Variants in DLG2 observed in about 807,000 individuals in gnomAD.
DLG2 encodes discs large MAGUK scaffold protein 2.
In DLG2, 45 loss-of-function variants were observed where a neutral mutation model predicts 132.5. The observed-to-expected ratio is 0.34, with a 90% CI of 0.27 to 0.44. The LOEUF is 0.44. DLG2 is among the 20% of genes least tolerant of loss of function. The pLI is 1.00. For synonymous variants in DLG2, 424 were observed against 419.6 expected (o/e 1.01, Z -0.13); for missense variants, 1,045 against 1,196.9 (o/e 0.87, Z 1.87).
chr11:84,549,071 G>A lies in DLG2; in HGVS notation c.358-14340C>T, dbSNP rs146181782. 5.8e-3 allele frequency among the ~76,000 whole-genome samples: 888 copies of A among 152,306 alleles called. 15 individuals carry two copies. The highest frequency in any genetic ancestry group is 0.034 in the Middle Eastern group (10 of 294). ...GATAAGGAAAAATTCTCTAGTCCTG[G>A]AAAGGGTTTATCCATGTTCAGTTGA... is the stretch of plus-strand genomic sequence containing the variant. On this transcript the variant is annotated intron_variant, in intron 6 of 27. Transcript: ENST00000376104.
chr11:83,928,827 C>T (rs1234086431), intron 15 of DLG2, among the ~76,000 whole-genome samples: 1 of 152,092 alleles, frequency 6.6e-6, no homozygotes, highest in African/African-American at 2.4e-5. Context: ...AAATGCCTGG[C>T]ACAGAAGAGC....
At chr11:85,136,598 A>G (rs1275709991) in intron 5 of DLG2, among the ~76,000 whole-genome samples, 1 of 152,210 alleles carries the variant, frequency 6.6e-6, no homozygotes, top group Non-Finnish European at 1.5e-5. Flanking sequence ...GAGGTTAATG[A>G]TCTAAAACTA....
chr11:83,654,115 T>G (rs375356996), intron 18 of DLG2, among the ~76,000 whole-genome samples: 1 of 152,164 alleles, frequency 6.6e-6, no homozygotes, highest in Non-Finnish European at 1.5e-5. Context: ...GTCTGGAAGT[T>G]CTTAAAGCAG....
rs1406204823 is a variant in DLG2, at chr11:83,667,991, A to AAG, written c.1826-34667_1826-34666insCT. ...ACTCCGTCTCAAAAAAAAAAAAAAA[A>AAG]AAAAAAGAAATTAAAGGAAGAGGGA... On this transcript the variant is annotated intron_variant, in intron 18 of 27. Transcript: ENST00000376104. 1.1e-3 allele frequency among the ~76,000 whole-genome samples: 160 copies of AAG among 147,582 alleles called. 2 individuals carry two copies. Among genetic ancestry groups the AAG allele is most frequent in the African/African-American group, 4.0e-3 (160 of 40,278 alleles).
At chr11:84,774,083 A>G (rs981495334) in intron 6 of DLG2, among the ~76,000 whole-genome samples, 8 of 151,482 alleles carry the variant, frequency 5.3e-5, no homozygotes, top group African/African-American at 1.9e-4. Context: ...AGACTTCAGT[A>G]AACTTTCAGG....
intron 3 of DLG2, among the ~76,000 whole-genome samples, chr11:85,507,670 T>C (rs920780660): frequency 6.6e-6 from 1 of 152,214 alleles, no homozygotes; most frequent in Non-Finnish European, 1.5e-5. Flanking sequence ...TTGGTGAATC[T>C]GACAATTATG....
intron 6 of DLG2, among the ~76,000 whole-genome samples, chr11:85,005,075 C>T (rs1420560391): frequency 1.3e-5 from 2 of 152,078 alleles, no homozygotes; most frequent in Non-Finnish European, 2.9e-5. Context: ...TGTTCTGTTC[C>T]ATTGGTCTAT....
chr11:85,104,901 CA>C (rs1246838546), intron 6 of DLG2, among the ~76,000 whole-genome samples: 2 of 58,994 alleles, frequency 3.4e-5, no homozygotes, highest in Non-Finnish European at 6.8e-5. Context: ...AAAAAAAAAA[CA>C]GAGAGAGAAA....
In DLG2 at chr11:83,885,069, C is replaced by T. The variant is rs1292483373; in HGVS notation, c.1497-10581G>A. ...CCTCCTCCAAAGGAACGCAGTTTCT[C>T]ACCAGCAACGGAACAAAGCTGGACA... On this transcript the variant is annotated intron_variant, in intron 15 of 27. Coordinates refer to ENST00000376104, the MANE Select transcript of DLG2 (RefSeq NM_001142699.3). Among the ~76,000 whole-genome samples the T allele has an allele frequency of 2.6e-5, 4 of 152,214 alleles. No homozygotes were observed. In the South Asian group the frequency reaches 8.3e-4, roughly 31 times the overall value.
chr11:84,460,204 C>T (rs1168675072), intron 7 of DLG2, among the ~76,000 whole-genome samples: 2 of 150,554 alleles, frequency 1.3e-5, no homozygotes, highest in Admixed American at 6.6e-5. Flanking sequence ...AGGGAGTAAA[C>T]TCTATTTATT....
At chr11:84,647,975 C>G (rs1358507263) in intron 6 of DLG2, among the ~76,000 whole-genome samples, 1 of 152,078 alleles carries the variant, frequency 6.6e-6, no homozygotes, top group Non-Finnish European at 1.5e-5. Flanking sequence ...TTCATTCTCA[C>G]AATAATGCCA....
At chr11:84,901,457 A>G (rs1453498627) in intron 6 of DLG2, among the ~76,000 whole-genome samples, 1 of 152,124 alleles carries the variant, frequency 6.6e-6, no homozygotes, top group Non-Finnish European at 1.5e-5. Flanking sequence ...CACATTCAAT[A>G]TTCAATCAGG....
At chr11:83,949,675 AT>A (rs1209672668) in intron 14 of DLG2, among the ~76,000 whole-genome samples, 8 of 152,186 alleles carry the variant, frequency 5.3e-5, no homozygotes, top group Non-Finnish European at 1.2e-4. Flanking sequence ...CATGCTGTAT[AT>A]TAGATTTGTA....
At chr11:84,968,730 T>G (rs1044443930) in intron 6 of DLG2, among the ~76,000 whole-genome samples, 1 of 152,134 alleles carries the variant, frequency 6.6e-6, no homozygotes, top group African/African-American at 2.4e-5. Context: ...TATTATAACT[T>G]TTGTTTTATA....
At chr11:85,428,941 G>A (rs1022680589) in intron 3 of DLG2, among the ~76,000 whole-genome samples, 3 of 151,562 alleles carry the variant, frequency 2.0e-5, no homozygotes, top group Non-Finnish European at 4.4e-5. Context: ...AATGATAAAG[G>A]GGATATCACC....
At chr11:85,029,886 A>T (rs896330542) in intron 6 of DLG2, among the ~76,000 whole-genome samples, 1 of 151,766 alleles carries the variant, frequency 6.6e-6, no homozygotes, top group African/African-American at 2.4e-5. Context: ...GTGTGTGTGT[A>T]TGTGTGTATT....
intron 11 of DLG2, among the ~76,000 whole-genome samples, chr11:84,029,868 C>T (rs1034384042): frequency 1.3e-5 from 2 of 152,108 alleles, no homozygotes; most frequent in Admixed American, 6.6e-5. Flanking sequence ...AAATATTATA[C>T]ATAATGACTC....
chr11:84,738,655 C>T (rs1480342351), intron 6 of DLG2, among the ~76,000 whole-genome samples: 1 of 152,122 alleles, frequency 6.6e-6, no homozygotes, highest in African/African-American at 2.4e-5. Context: ...TGTGGAGGAA[C>T]TGAAACTCCC....
chr11:84,168,350 G>A (rs2095720781), intron 8 of DLG2, among the ~76,000 whole-genome samples: 1 of 152,230 alleles, frequency 6.6e-6, no homozygotes, highest in Admixed American at 6.5e-5. Context: ...GACAGACGAT[G>A]TTCTAATCCT....
Sources: allele counts gnomAD v4.1 joint callset (sites outside exome capture counted in the v4.1 genomes callset), GRCh38; gene constraint gnomAD v4.1.1; transcripts MANE v1.5; gene names NCBI Gene and HGNC (gene_info 2026-07-23, HGNC 2026-07-21).